The following SHISA9 variants were observed in gnomAD, a reference collection of about 807,000 sequenced individuals.
SHISA9 encodes the protein protein shisa-9.
A neutral mutation model predicts 38.0 loss-of-function variants in SHISA9; 13 were observed. The ratio of observed to expected loss-of-function variants is 0.34; its 90% CI spans 0.22 to 0.54. The LOEUF is 0.54. SHISA9 is among the 20% of genes least tolerant of loss of function. The probability of loss-of-function intolerance (pLI) is 0.91; values close to 1 mark genes in which losing one functional copy is unlikely to be tolerated. For synonymous variants in SHISA9, 275 were observed against 242.0 expected (o/e 1.14, Z -1.27); for missense variants, 538 against 575.8 (o/e 0.93, Z 0.67).
the SHISA9 span, among the ~76,000 whole-genome samples, chr16:13,561,244 C>T: frequency 6.6e-6 from 1 of 152,096 alleles, no homozygotes; most frequent in Non-Finnish European, 1.5e-5. Flanking sequence ...GTTATTAGTC[C>T]CAGAATATTA....
intron 2 of SHISA9, among the ~76,000 whole-genome samples, chr16:13,070,154 GCA>G (rs764151607): frequency 0.06 from 8,991 of 149,310 alleles, 389 homozygotes; most frequent in Admixed American, 0.14. Context: ...GTGTGTGTGT[GCA>G]CGCATGTGTC....
At chr16:13,058,107 C>G (rs924202658) in intron 2 of SHISA9, among the ~76,000 whole-genome samples, 1 of 152,164 alleles carries the variant, frequency 6.6e-6, no homozygotes, top group African/African-American at 2.4e-5. Flanking sequence ...ATCTTGCTCC[C>G]TAGAGATTCT....
chr16:13,170,813 C>T lies in SHISA9; in HGVS notation c.692-32581C>T, dbSNP rs564712155. On this transcript the variant is annotated intron_variant, in intron 2 of 4. Transcript: ENST00000558583. ...CTGGGATTACAGATGTGTGCCACCA[C>T]GCCCAGCTAGTTTTTGTATTTTTAG... 4.6e-5 allele frequency among the ~76,000 whole-genome samples: 7 copies of T among 152,148 alleles called. 1 individual carries two copies. Among genetic ancestry groups the T allele is most frequent in the African/African-American group, 7.2e-5 (3 of 41,502 alleles).
At position 12,939,058 on chromosome 16, in the gene SHISA9, C is replaced by T. The variant is rs139433688; in HGVS notation, c.691+22243C>T. 2.5e-3 allele frequency among the ~76,000 whole-genome samples: 374 copies of T among 152,076 alleles called. 3 individuals are homozygous for T. Among genetic ancestry groups the T allele is most frequent in the Non-Finnish European group, 4.5e-3 (307 of 67,972 alleles). On this transcript the variant is annotated intron_variant, in intron 2 of 4. Coordinates refer to ENST00000558583, the MANE Select transcript of SHISA9 (RefSeq NM_001145204.3). ...AGTAGTTTCATCTCTTCTCTCCTCT[C>T]CCCTCCTCTCCTTTCCTCTTCTCTC...
At chr16:13,175,440 T>C (rs910032257) in intron 2 of SHISA9, among the ~76,000 whole-genome samples, 1 of 152,002 alleles carries the variant, frequency 6.6e-6, no homozygotes, top group African/African-American at 2.4e-5. Context: ...AGAGATGCTA[T>C]AAGGAGTAAA....
the SHISA9 span, among the ~76,000 whole-genome samples, chr16:13,414,641 TC>T: frequency 2.3e-5 from 2 of 86,286 alleles, no homozygotes; most frequent in African/African-American, 4.1e-5. Context: ...CTTTCTTCTT[TC>T]TTTCTTTCTT....
chr16:13,160,423 C>T (rs1318372645), intron 2 of SHISA9, among the ~76,000 whole-genome samples: 1 of 152,122 alleles, frequency 6.6e-6, no homozygotes, highest in Admixed American at 6.5e-5. Flanking sequence ...TAAGTTTATG[C>T]TTGATTAACA....
At chr16:13,523,642 T>A in the SHISA9 span, among the ~76,000 whole-genome samples, 411 of 152,220 alleles carry the variant, frequency 2.7e-3, 3 homozygotes, top group African/African-American at 9.5e-3. Flanking sequence ...CTACACACTT[T>A]TGAACGATCA....
chr16:13,475,077 A>G, the SHISA9 span, among the ~76,000 whole-genome samples: 1 of 152,168 alleles, frequency 6.6e-6, no homozygotes, highest in Non-Finnish European at 1.5e-5. Flanking sequence ...GGGGAAAAGA[A>G]TGAAAGTAAG....
At chr16:12,911,805 A>C (rs1596524687) in intron 1 of SHISA9, among the ~76,000 whole-genome samples, 1 of 149,568 alleles carries the variant, frequency 6.7e-6, no homozygotes, top group South Asian at 2.2e-4. Flanking sequence ...TTCAGGCTGT[A>C]GTTTTGTTAA....
intron 4 of SHISA9, among the ~76,000 whole-genome samples, chr16:13,234,121 A>C (rs1000966922): frequency 1.1e-4 from 17 of 152,254 alleles, no homozygotes; most frequent in Non-Finnish European, 2.9e-5. Flanking sequence ...CTGTATTTGT[A>C]ATAGCAAAAT....
intron 2 of SHISA9, among the ~76,000 whole-genome samples, chr16:12,991,954 A>T (rs532230207): frequency 6.6e-6 from 1 of 152,346 alleles, no homozygotes; most frequent in South Asian, 2.1e-4. Context: ...AATAGATATT[A>T]AGTTTTAAAA....
At chr16:13,004,676 G>A (rs1233252544) in intron 2 of SHISA9, among the ~76,000 whole-genome samples, 3 of 151,940 alleles carry the variant, frequency 2.0e-5, no homozygotes, top group East Asian at 1.9e-4. Flanking sequence ...TGTAATCCTA[G>A]CACTTTGGGA....
chr16:13,446,148 T>A, the SHISA9 span, among the ~76,000 whole-genome samples: 1 of 152,086 alleles, frequency 6.6e-6, no homozygotes, highest in Non-Finnish European at 1.5e-5. Context: ...AGTTTCCCCA[T>A]GCTGGCCAGG....
At chr16:13,185,587 T>C (rs1013250768) in intron 2 of SHISA9, among the ~76,000 whole-genome samples, 2 of 152,236 alleles carry the variant, frequency 1.3e-5, no homozygotes, top group African/African-American at 4.8e-5. Context: ...GAAACAGATG[T>C]TGCCTCTAAT....
the SHISA9 span, among the ~76,000 whole-genome samples, chr16:13,550,753 C>T: frequency 6.6e-6 from 1 of 152,148 alleles, no homozygotes; most frequent in Non-Finnish European, 1.5e-5. Context: ...TAAAAGTTTT[C>T]CCTCTCAGTT....
At chr16:13,365,444 G>C in the SHISA9 span, among the ~76,000 whole-genome samples, 4 of 147,548 alleles carry the variant, frequency 2.7e-5, no homozygotes, top group Non-Finnish European at 4.5e-5. Context: ...CTCCTACAGA[G>C]AGTATACCTC....
the SHISA9 span, among the ~76,000 whole-genome samples, chr16:13,411,197 A>G: frequency 6.6e-6 from 1 of 152,194 alleles, no homozygotes; most frequent in Non-Finnish European, 1.5e-5. Flanking sequence ...TCCTTAAGTG[A>G]GATAATGAAT....
chr16:12,918,723 T>A (rs905438703), intron 2 of SHISA9, among the ~76,000 whole-genome samples: 1 of 152,330 alleles, frequency 6.6e-6, no homozygotes, highest in South Asian at 2.1e-4. Flanking sequence ...AAGTGTCTCA[T>A]AATAGTGTAC....
Sources: allele counts gnomAD v4.1 joint callset (sites outside exome capture counted in the v4.1 genomes callset), GRCh38; gene constraint gnomAD v4.1.1; transcripts MANE v1.5; gene names NCBI Gene and HGNC (gene_info 2026-07-23, HGNC 2026-07-21).